The following LIG1 variants were observed in gnomAD, a reference collection of about 807,000 sequenced individuals.
LIG1 encodes ligase I, DNA, ATP-dependent.
LIG1 carries 70 observed loss-of-function variants against 115.7 expected under a neutral mutation model. The observed-to-expected ratio is 0.60, with a 90% CI of 0.50 to 0.74. The LOEUF is 0.74. Ranked by LOEUF, LIG1 falls within the 30% of genes least tolerant of loss-of-function variation. The pLI is 0.00. For synonymous variants in LIG1, 487 were observed against 495.3 expected, an observed-to-expected ratio of 0.98 and a Z score of 0.22; for missense variants, 1,115 against 1,225.6, an observed-to-expected ratio of 0.91 and a Z score of 1.35.
rs772420721 is a variant in LIG1 at position 48,121,205 on chromosome 19, C to T, written c.2350G>A (p.Asp784Asn). ...RYGGFLLASY[D>N]EDSEELQAIC... ...GCCTGCAGCTCCTCACTGTCCTCGT[C>T]GTAGGAGGCCAGCAGGAAGCCCCCG... Residue 784 changes from aspartate to asparagine, a missense_variant, in exon 24 of 28, where the codon GAC (aspartate) becomes AAC (asparagine). By Grantham distance (23) the Asp-to-Asn change is conservative. Coordinates refer to ENST00000263274, the MANE Select transcript of LIG1 (RefSeq NM_000234.3). The T allele has an allele frequency of 1.1e-5, 17 of 1,614,096 alleles. No homozygotes were observed. The highest frequency in any genetic ancestry group is 1.4e-5 in the Non-Finnish European group (16 of 1,180,030).
At chr19:48,149,426 G>A (rs2035328213) in intron 9 of LIG1, among the ~76,000 whole-genome samples, 1 of 152,202 alleles carries the variant, frequency 6.6e-6, no homozygotes, top group South Asian at 2.1e-4. Context: ...GAACCCTAGA[G>A]GGGCAGAGTC....
At chr19:48,125,682 A>G (rs2033617006) in intron 21 of LIG1, among the ~76,000 whole-genome samples, 1 of 152,212 alleles carries the variant, frequency 6.6e-6, no homozygotes, top group Admixed American at 6.5e-5. Context: ...ATCGTGGTTC[A>G]TCTACCAGAT....
intron 16 of LIG1, 47 bp from the exon 17 acceptor site, chr19:48,134,113 C>T: frequency 1.3e-6 from 2 of 1,511,154 alleles, no homozygotes; most frequent in Non-Finnish European, 1.8e-6. Context: ...TTCTAGAACT[C>T]ACACAGTTTG....
chr19:48,116,215 G>A (rs1330510709), intron 26 of LIG1: 11 of 461,582 alleles, frequency 2.4e-5, no homozygotes, highest in African/African-American at 7.9e-5. Flanking sequence ...AGGCCGAGGC[G>A]GGTGGATCAC....
At chr19:48,168,520 C>T (rs372595234) in intron 1 of LIG1, among the ~76,000 whole-genome samples, 2 of 152,132 alleles carry the variant, frequency 1.3e-5, no homozygotes, top group Non-Finnish European at 2.9e-5. Context: ...TCTATCGGAA[C>T]GGCAACCCCA....
intron 26 of LIG1, among the ~76,000 whole-genome samples, chr19:48,116,889 C>G (rs1209399066): frequency 6.6e-6 from 1 of 152,200 alleles, no homozygotes; most frequent in Non-Finnish European, 1.5e-5. Flanking sequence ...ACCTGTAATC[C>G]CAGCACTTTG....
intron 21 of LIG1, among the ~76,000 whole-genome samples, chr19:48,124,486 G>C (rs552029665): frequency 1.1e-4 from 17 of 152,300 alleles, no homozygotes; most frequent in Non-Finnish European, 1.9e-4. Context: ...GCCGCCACCA[G>C]CCATGTGTAG....
At chr19:48,144,090 G>T in intron 9 of LIG1, 127 bp from the exon 10 acceptor site, 2 of 818,850 alleles carry the variant, frequency 2.4e-6, no homozygotes, top group Non-Finnish European at 4.2e-6. Flanking sequence ...AACAAAGTTT[G>T]CTAACCTGGA....
chr19:48,117,643 C>T lies in LIG1; in HGVS notation c.2578G>A (p.Gly860Ser). The change falls in exon 26 of 28, where the codon GGC becomes AGC. Residue 860 changes from glycine (G) to serine (S), a missense_variant. By Grantham distance (56) the Gly-to-Ser change is moderately conservative. Coordinates refer to ENST00000263274, the MANE Select transcript of LIG1 (RefSeq NM_000234.3). ...SLSPIYPAAR[G>S]LVDSDKGISL... ...CCAGGTCCTCTGCCACTCACCAGGC[C>T]CCGCGCAGCAGGGTAGATGGGAGAG... is the stretch of plus-strand genomic sequence containing the variant. 6.2e-7 allele frequency: 1 copy of T among 1,612,564 alleles called. No homozygotes were observed. Among genetic ancestry groups the T allele is most frequent in the Non-Finnish European group, 8.5e-7 (1 of 1,179,652 alleles).
intron 9 of LIG1, among the ~76,000 whole-genome samples, chr19:48,147,717 G>C (rs2035208977): frequency 1.3e-5 from 2 of 151,912 alleles, no homozygotes; most frequent in African/African-American, 2.4e-5. Context: ...ATTTTTGTCT[G>C]ATTTGTTTCC....
At chr19:48,156,375 G>A (rs921268196) in intron 5 of LIG1, among the ~76,000 whole-genome samples, 1 of 152,214 alleles carries the variant, frequency 6.6e-6, no homozygotes, top group Non-Finnish European at 1.5e-5. Flanking sequence ...CATAACTACA[G>A]TCACAATGAC....
intron 21 of LIG1, among the ~76,000 whole-genome samples, chr19:48,125,987 CAAAAA>C (rs56362940): frequency 9.4e-6 from 1 of 105,880 alleles, no homozygotes. Context: ...GACTCCATCT[CAAAAA>C]AAAAAAAAAA....
chr19:48,121,285 A>G lies in LIG1; in HGVS notation c.2270T>C (p.Leu757Pro), dbSNP rs2033252115. Residue 757 changes from leucine to proline, a missense_variant, in exon 24 of 28, where the codon CTG becomes CCG. Coordinates refer to ENST00000263274, the MANE Select transcript of LIG1 (RefSeq NM_000234.3). ...GTAGGCGCCGATCACCACCAGGTCCAGGGTGTCACCCACGCCATCAAGGTA... is the reference window on the plus strand; with the variant it reads ...GTAGGCGCCGATCACCACCAGGTCCGGGGTGTCACCCACGCCATCAAGGTA... ...KDYLDGVGDT[L>P]DLVVIGAYLG... 7.4e-6 allele frequency: 12 copies of G among 1,611,856 alleles called. No homozygotes were observed. Among genetic ancestry groups the G allele is most frequent in the Non-Finnish European group, 1.0e-5 (12 of 1,178,616 alleles).
chr19:48,119,163 G>T lies in LIG1; in HGVS notation c.2413C>A (p.Leu805Met). 2 of 1,584,010 alleles carry T rather than the reference G, an allele frequency of 1.3e-6. No individual in the cohort carries two copies. The highest frequency in any genetic ancestry group is 1.7e-6 in the Non-Finnish European group (2 of 1,165,196). The part of the protein sequence containing the change: ...KLGTGFSDEE[L>M]EEHHQSLKAL... ...TTGAGGCTCTGGTGATGCTCCTCCAGCTCCTCATCACTGAAGCCAGTTCCA... is the reference window on the plus strand; with the variant it reads ...TTGAGGCTCTGGTGATGCTCCTCCATCTCCTCATCACTGAAGCCAGTTCCA... Residue 805 changes from leucine (L) to methionine (M), a missense_variant, in exon 25 of 28, where the codon CTG becomes ATG. Physicochemically the swap from Leu to Met is conservative, Grantham distance 15. Transcript: ENST00000263274.
chr19:48,163,922 G>A (rs1386633827), intron 2 of LIG1, among the ~76,000 whole-genome samples: 8 of 148,564 alleles, frequency 5.4e-5, no homozygotes, highest in East Asian at 2.0e-4. Context: ...TCCAGCCTGG[G>A]CGACAGAGCA....
At chr19:48,145,894 G>C (rs1048069881) in intron 9 of LIG1, 1 of 152,250 alleles carries the variant, frequency 6.6e-6, no homozygotes, top group African/African-American at 2.4e-5. Context: ...TCACACAGCT[G>C]AGAGAGGTGG....
chr19:48,128,532 T>C (rs2033819658), intron 19 of LIG1, among the ~76,000 whole-genome samples: 1 of 152,326 alleles, frequency 6.6e-6, no homozygotes, highest in African/African-American at 2.4e-5. Flanking sequence ...CCTGGCCCCC[T>C]GAGCCTCTCT....
intron 2 of LIG1, among the ~76,000 whole-genome samples, chr19:48,163,943 T>C (rs1599885254): frequency 4.7e-5 from 3 of 64,134 alleles, no homozygotes; most frequent in African/African-American, 1.3e-4. Context: ...AGACTCTGTC[T>C]CAAAAAAAAA....
chr19:48,137,567 C>A lies in LIG1; in HGVS notation c.1209G>T (p.Gly403=), dbSNP rs1466321616. Reference sequence around the variant, plus strand: ...CGATGTCGCGGAACTTGCTGAAGACCCCGGAGGCAGTGAGCGGAGGTGGTG... The same window carrying A: ...CGATGTCGCGGAACTTGCTGAAGACACCGGAGGCAGTGAGCGGAGGTGGTG... The part of the protein sequence containing the change: ...MLPPPPLTAS[G]VFSKFRDIAR... The change falls in exon 13 of 28, where the codon GGG becomes GGT. Residue 403 remains glycine (G), a synonymous_variant. Coordinates refer to ENST00000263274, the MANE Select transcript of LIG1 (RefSeq NM_000234.3). This position sits in a 1 kb window ranked among gnomAD's most constrained non-coding sequence, Gnocchi z 4.3. 6.2e-7 allele frequency: 1 copy of A among 1,613,496 alleles called. No individual in the cohort carries two copies.
Sources: allele counts gnomAD v4.1 joint callset (sites outside exome capture counted in the v4.1 genomes callset), GRCh38; gene constraint gnomAD v4.1.1; non-coding constraint Gnocchi (gnomAD v3.1); transcripts MANE v1.5; gene names NCBI Gene and HGNC (gene_info 2026-07-23, HGNC 2026-07-21).